Variants in NEDD9 observed in about 807,000 individuals in gnomAD.
The protein encoded by NEDD9 is neural precursor cell expressed, developmentally down-regulated 9, also known as enhancer of filamentation 1.
In NEDD9, 26 loss-of-function variants were observed where a neutral mutation model predicts 76.6. The ratio of observed to expected loss-of-function variants is 0.34; its 90% confidence interval spans 0.25 to 0.47. The LOEUF (loss-of-function observed/expected upper bound fraction) is 0.47, where lower values mean the gene tolerates loss of function less well. Ranked by LOEUF, NEDD9 falls within the 20% of genes least tolerant of loss-of-function variation. The probability of loss-of-function intolerance (pLI) is 1.00; values close to 1 mark genes in which losing one functional copy is unlikely to be tolerated. For missense variants in NEDD9, 937 were observed against 1,058.5 expected (o/e 0.89, Z 1.59); for synonymous variants, 392 against 414.2 (o/e 0.95, Z 0.65).
At position 11,355,584 on chromosome 6, in the gene NEDD9, C is replaced by T. The variant is rs770293104; in HGVS notation, c.-213-21023G>A. On this transcript the variant is annotated intron_variant, in intron 1 of 3. Transcript: ENST00000397378. The stretch of plus-strand genomic sequence containing the variant: ...TCTTGGGCAGACCTGAATGGTCAGT[C>T]ACATGTTTTCAGGTCATTTTACTTT... Among the ~76,000 whole-genome samples the T allele has an allele frequency of 5.2e-4, 79 of 152,142 alleles. 1 individual carries two copies. Among genetic ancestry groups the T allele is most frequent in the Admixed American group, 2.6e-4 (4 of 15,274 alleles).
At chr6:11,201,000 G>C in intron 2 of NEDD9, 1 of 1,614,238 alleles carries the variant, frequency 6.2e-7, no homozygotes, top group Non-Finnish European at 8.5e-7. Flanking sequence ...GGTTTGTTTA[G>C]AGGCTCTCAC....
chr6:11,233,170 TCCCCC>T, upstream of NEDD9: 3 of 510,054 alleles, frequency 5.9e-6, no homozygotes, highest in Admixed American at 4.0e-5. Flanking sequence ...CCTTTTTCTT[TCCCCC>T]TCCTCCCGCC....
intron 3 of NEDD9, among the ~76,000 whole-genome samples, chr6:11,266,447 G>A (rs922961804): frequency 6.6e-6 from 1 of 152,058 alleles, no homozygotes; most frequent in African/African-American, 2.4e-5. Context: ...TAGTGCTGAT[G>A]CTGAGAAACC....
intron 2 of NEDD9, 148 bp from the exon 3 acceptor site, chr6:11,193,840 G>A (rs1758223791): frequency 1.9e-6 from 1 of 521,200 alleles, no homozygotes; most frequent in Admixed American, 3.6e-5. Context: ...AAGGAGACAA[G>A]TAGACACCAC....
intron 1 of NEDD9, among the ~76,000 whole-genome samples, chr6:11,344,746 C>T (rs1391073299): frequency 6.6e-6 from 1 of 152,208 alleles, no homozygotes; most frequent in Non-Finnish European, 1.5e-5. Flanking sequence ...CTCTCCAGCC[C>T]TGATGTTCAG....
chr6:11,352,804 G>A (rs1004980518), intron 1 of NEDD9: 6 of 152,180 alleles, frequency 3.9e-5, no homozygotes, highest in African/African-American at 1.2e-4. Context: ...AAGTGACAGC[G>A]GTAATAGCAA....
chr6:11,255,014 G>T (rs1239767839), intron 3 of NEDD9, among the ~76,000 whole-genome samples: 1 of 152,266 alleles, frequency 6.6e-6, no homozygotes, highest in African/African-American at 2.4e-5. Context: ...CCAAAGGGAA[G>T]ACTAGCATGT....
intron 2 of NEDD9, among the ~76,000 whole-genome samples, chr6:11,327,580 T>A (rs1181117447): frequency 1.3e-5 from 2 of 152,238 alleles, no homozygotes; most frequent in Non-Finnish European, 2.9e-5. Context: ...TTGGTTTATA[T>A]CCAGTTCTAG....
In NEDD9 at chr6:11,276,425, G is replaced by A. The variant is rs545986100; in HGVS notation, c.12+29567C>T. The stretch of plus-strand genomic sequence containing the variant: ...TGTGTGTGCACGTGTGTGTGCGCAC[G>A]CGCACACATGCTGAGTCTTCTCTCC... On this transcript the variant is annotated intron_variant, in intron 3 of 3. Coordinates refer to the NEDD9 transcript ENST00000397378. Among the ~76,000 whole-genome samples the A allele has an allele frequency of 1.9e-3, 290 of 152,266 alleles. 1 individual carries two copies. The highest frequency in any genetic ancestry group is 4.3e-3 in the South Asian group (21 of 4,828).
At chr6:11,272,802 C>T (rs962410851) in intron 3 of NEDD9, among the ~76,000 whole-genome samples, 1 of 152,200 alleles carries the variant, frequency 6.6e-6, no homozygotes, top group Non-Finnish European at 1.5e-5. Flanking sequence ...TTGTTTTCGG[C>T]TTCATCCTGG....
Position 11,185,820 on chromosome 6 carries a change from G to T in NEDD9, c.1996-149C>A, listed in dbSNP as rs1265807411. On this transcript the variant is annotated intron_variant, in intron 6 of 6. Transcript: ENST00000379446. ...TGTAAAGCCTGGGTCAAGCTGCCTT[G>T]CTTTCCTAAATTGTAAAATGTAGAC... 6 of 883,506 alleles carry T rather than the reference G, an allele frequency of 6.8e-6. No individual in the cohort carries two copies. In the African/African-American group the frequency reaches 8.4e-5, roughly 12 times the overall value. The allele number at this position is 883,506 out of a possible 1,614,324, so 54.7% of individuals were successfully genotyped here. A position where few individuals can be genotyped will look rare whatever the true frequency, so the allele number is the denominator to read the frequency against.
chr6:11,213,517 C>T lies in NEDD9; in HGVS notation c.223G>A (p.Glu75Lys), dbSNP rs770931575. The change falls in exon 2 of 7, where the codon GAG becomes AAG. Residue 75 changes from glutamate to lysine, a missense_variant. Glu to Lys is a moderately conservative substitution (Grantham distance 56, BLOSUM62 1). Coordinates refer to ENST00000379446, the MANE Select transcript of NEDD9 (RefSeq NM_006403.4). The surrounding 1 kb of genome is among the most constrained non-coding windows in gnomAD (Gnocchi z 5.4). ...GPMQETASSH[E>K]QPASGLMQQT... ...TGCATCAGTCCAGAGGCAGGCTGCT[C>T]GTGACTGGAGGCAGTCTCCTGCATG... 1.9e-5 allele frequency: 31 copies of T among 1,613,974 alleles called. No individual in the cohort carries two copies. Among genetic ancestry groups the T allele is most frequent in the South Asian group, 3.3e-5 (3 of 91,078 alleles).
chr6:11,343,215 G>A (rs781603875), intron 1 of NEDD9, among the ~76,000 whole-genome samples: 1 of 152,070 alleles, frequency 6.6e-6, no homozygotes, highest in Non-Finnish European at 1.5e-5. Context: ...GGATCATGAG[G>A]TCAGGAGTTC....
intron 3 of NEDD9, chr6:11,249,218 A>C (rs1759866244): frequency 2.2e-6 from 1 of 455,540 alleles, no homozygotes; most frequent in Non-Finnish European, 4.4e-6. Flanking sequence ...TGAAGGCCTA[A>C]ATAAAACAAA....
chr6:11,331,102 C>T (rs1762027947), intron 2 of NEDD9, among the ~76,000 whole-genome samples: 1 of 152,166 alleles, frequency 6.6e-6, no homozygotes, highest in Admixed American at 6.5e-5. Flanking sequence ...ACCCAAAATG[C>T]TCTTTTCCTC....
intron 1 of NEDD9, among the ~76,000 whole-genome samples, chr6:11,349,050 C>A (rs886222838): frequency 6.6e-6 from 1 of 152,036 alleles, no homozygotes; most frequent in Admixed American, 6.6e-5. Context: ...ATATCCAGAA[C>A]CCATAAGAAA....
intron 1 of NEDD9, among the ~76,000 whole-genome samples, 179 bp downstream of exon 1, chr6:11,232,325 C>T (rs1441282329): frequency 2.0e-5 from 3 of 151,666 alleles, no homozygotes; most frequent in Non-Finnish European, 2.9e-5. Flanking sequence ...TGGAGTGGGT[C>T]TCAAAGACCG....
In NEDD9 at chr6:11,184,594, C is replaced by T. The variant is rs1757930201; in HGVS notation, c.*568G>A. ...GCAAGAGGGCTTTTGGGCACTTGGCCATCATGTGTTTAAGATGGTCAGTTT... is the reference window on the plus strand; with the variant it reads ...GCAAGAGGGCTTTTGGGCACTTGGCTATCATGTGTTTAAGATGGTCAGTTT... On this transcript the variant is annotated 3_prime_UTR_variant, in exon 7 of 7. Coordinates refer to ENST00000379446, the MANE Select transcript of NEDD9 (RefSeq NM_006403.4). 1 of 152,748 alleles carries T rather than the reference C, an allele frequency of 6.5e-6. No individual in the cohort carries two copies. The highest frequency in any genetic ancestry group is 6.5e-5 in the Admixed American group (1 of 15,350). 9.5% of individuals were successfully genotyped at this position (152,748 alleles called of 1,614,324 possible). A position where few individuals can be genotyped will look rare whatever the true frequency, so the allele number is the denominator to read the frequency against.
rs200983260 is a variant in NEDD9 at position 11,230,871 on chromosome 6, G to A, written c.12+1633C>T. 3.3e-5 allele frequency among the ~76,000 whole-genome samples: 5 copies of A among 152,318 alleles called. No homozygotes were observed. In the East Asian group the frequency reaches 9.6e-4, roughly 29 times the overall value. On this transcript the variant is annotated intron_variant, in intron 1 of 6. Coordinates refer to ENST00000379446, the MANE Select transcript of NEDD9 (RefSeq NM_006403.4). ...AGATTTTCTTTCCATAAAGAGTAAA[G>A]CTAACCACGATGAGATCATTGAATA...
Sources: allele counts gnomAD v4.1 joint callset (sites outside exome capture counted in the v4.1 genomes callset), GRCh38; gene constraint gnomAD v4.1.1; non-coding constraint Gnocchi (gnomAD v3.1); transcripts MANE v1.5; gene names NCBI Gene and HGNC (gene_info 2026-07-23, HGNC 2026-07-21).